CAMTA1: variants seen among roughly 807,000 people sequenced by gnomAD.
The protein encoded by CAMTA1 is calmodulin-binding transcription activator 1.
Under a neutral mutation model 170.9 loss-of-function variants are expected in CAMTA1, and 27 were observed. The observed-to-expected ratio is 0.16, with a 90% CI of 0.12 to 0.22. The LOEUF is 0.22. CAMTA1 is among the 10% of genes least tolerant of loss of function. CAMTA1 has a pLI of 1.00. For synonymous variants in CAMTA1, 833 were observed against 891.5 expected (o/e 0.93, Z 1.17); for missense variants, 1,619 against 2,217.2 (o/e 0.73, Z 5.42).
chr1:7,087,991 AG>A (rs1281338103), intron 3 of CAMTA1, among the ~76,000 whole-genome samples: 2 of 151,982 alleles, frequency 1.3e-5, no homozygotes, highest in African/African-American at 4.8e-5. Flanking sequence ...CCATCTGGTG[AG>A]GGGGTGGCCT....
Position 7,745,919 on chromosome 1 carries a change from T to G in CAMTA1, c.4445T>G (p.Ile1482Ser), listed in dbSNP as rs1296690897. ...CCTGTTGGCTCTCCCGTCAGTGAAA[T>G]CGCTTTCGAGAAACCTAACCTTCCC... ...LSPVGSPVSEIAFEKPNLPSA... is the reference protein window; with the variant it reads ...LSPVGSPVSESAFEKPNLPSA... The change falls in exon 18 of 23, where the codon ATC becomes AGC. Residue 1482 changes from isoleucine (I) to serine (S), a missense_variant. This residue lies in a region of CAMTA1 where 370 missense variants were observed against 429.4 expected (regional missense o/e 0.86). Coordinates refer to ENST00000303635, the MANE Select transcript of CAMTA1 (RefSeq NM_015215.4). 1.2e-6 allele frequency: 2 copies of G among 1,614,082 alleles called. No individual in the cohort carries two copies. The highest frequency in any genetic ancestry group is 1.7e-6 in the Non-Finnish European group (2 of 1,180,042).
At chr1:6,938,004 C>T (rs573839962) in intron 3 of CAMTA1, among the ~76,000 whole-genome samples, 1 of 152,214 alleles carries the variant, frequency 6.6e-6, no homozygotes, top group Non-Finnish European at 1.5e-5. Flanking sequence ...TCTCAGGGGG[C>T]AGATATTCTG....
rs572984748 is a variant in CAMTA1 at position 6,812,042 on chromosome 1, G to A, written c.46-8139G>A. ...GTATGTGGTAGCATTCTGTTCCACC[G>A]CTCTCTTCTCCTTCAGGATGTCTCC... On this transcript the variant is annotated intron_variant, in intron 1 of 22. Coordinates refer to ENST00000303635, the MANE Select transcript of CAMTA1 (RefSeq NM_015215.4). Among the ~76,000 whole-genome samples the A allele has an allele frequency of 3.9e-5, 6 of 152,286 alleles. No individual in the cohort carries two copies. In the East Asian group the frequency reaches 7.7e-4, roughly 20 times the overall value.
intron 5 of CAMTA1, among the ~76,000 whole-genome samples, chr1:7,310,704 T>TCTCTCTCTCTC (rs748448606): frequency 2.9e-5 from 1 of 34,760 alleles, no homozygotes; most frequent in East Asian, 5.7e-4. Flanking sequence ...CTCTCTCTCT[T>TCTCTCTCTCTC]TCTTTCTTTC....
intron 6 of CAMTA1, among the ~76,000 whole-genome samples, chr1:7,638,864 ACAG>A (rs1215376804): frequency 6.6e-6 from 1 of 152,200 alleles, no homozygotes; most frequent in Non-Finnish European, 1.5e-5. Flanking sequence ...GCTGCCTTAC[ACAG>A]GCCCCTGGGC....
At position 7,455,209 on chromosome 1, in the gene CAMTA1, G is replaced by A. The variant is rs2092921941; in HGVS notation, c.439-12621G>A. On this transcript the variant is annotated intron_variant, in intron 5 of 22. Coordinates refer to ENST00000303635, the MANE Select transcript of CAMTA1 (RefSeq NM_015215.4). This position sits in a 1 kb window ranked among gnomAD's most constrained non-coding sequence, Gnocchi z 5.0. ...TGCCCATCCCTCCTGCTTCTCTAGT[G>A]CAGGAGCCGCGGCTCGGCATGGTTC... is the stretch of plus-strand genomic sequence containing the variant. Among the ~76,000 whole-genome samples, 1 of 152,184 alleles carries A rather than the reference G, an allele frequency of 6.6e-6. No homozygotes were observed. The highest frequency in any genetic ancestry group is 6.5e-5 in the Admixed American group (1 of 15,286).
intron 3 of CAMTA1, chr1:6,871,739 A>G (rs1350295195): frequency 1.3e-6 from 2 of 1,532,022 alleles, no homozygotes; most frequent in Non-Finnish European, 1.7e-6. Flanking sequence ...TACTTACTGG[A>G]GCTCCTTTGT....
At chr1:7,397,476 T>C (rs919762413) in intron 5 of CAMTA1, among the ~76,000 whole-genome samples, 7 of 152,110 alleles carry the variant, frequency 4.6e-5, no homozygotes, top group Admixed American at 1.3e-4. Context: ...GTTGATATAT[T>C]GTATTGGGTT....
intron 5 of CAMTA1, among the ~76,000 whole-genome samples, chr1:7,309,177 C>T (rs1249580827): frequency 1.3e-5 from 2 of 151,518 alleles, no homozygotes; most frequent in Non-Finnish European, 2.9e-5. Context: ...TTTTAGCCTA[C>T]TCATATCATT....
chr1:7,762,297 G>A (rs2096982314), intron 22 of CAMTA1, among the ~76,000 whole-genome samples: 1 of 152,100 alleles, frequency 6.6e-6, no homozygotes, highest in African/African-American at 2.4e-5. Flanking sequence ...CCTTCTCATT[G>A]GTAAAGATTT....
At chr1:7,349,850 A>C (rs705677) in intron 5 of CAMTA1, among the ~76,000 whole-genome samples, 96,835 of 152,076 alleles carry the variant, frequency 0.64, 31,192 homozygotes, top group East Asian at 0.82. Flanking sequence ...AAGCAAGATG[A>C]ATCTGAACCT....
intron 11 of CAMTA1, among the ~76,000 whole-genome samples, chr1:7,725,870 A>C (rs1205608379): frequency 6.6e-6 from 1 of 152,212 alleles, no homozygotes; most frequent in African/African-American, 2.4e-5. Context: ...GCCGCCATCT[A>C]GGGCAGCACA....
intron 3 of CAMTA1, among the ~76,000 whole-genome samples, chr1:6,967,007 C>T (rs1051085944): frequency 2.0e-5 from 3 of 151,658 alleles, no homozygotes; most frequent in Non-Finnish European, 4.4e-5. Context: ...TTTGGGAGGC[C>T]GAGGTGGGTG....
At position 6,934,628 on chromosome 1, in the gene CAMTA1, G is replaced by C. The variant is rs1684992460; in HGVS notation, c.234+109418G>C. Among the ~76,000 whole-genome samples the C allele has an allele frequency of 1.3e-5, 2 of 152,150 alleles. No individual in the cohort carries two copies. The highest frequency in any genetic ancestry group is 2.9e-5 in the Non-Finnish European group (2 of 68,022). On this transcript the variant is annotated intron_variant, in intron 3 of 22. Transcript: ENST00000303635. This position sits in a 1 kb window ranked among gnomAD's most constrained non-coding sequence, Gnocchi z 4.5. ...TGCCTTCCAGGGGAGACCTGTGGCC[G>C]GCAGGAGCTGCCCGAGATCCCGGGG...
At chr1:6,869,522 C>T (rs568439960) in intron 3 of CAMTA1, among the ~76,000 whole-genome samples, 5 of 152,148 alleles carry the variant, frequency 3.3e-5, no homozygotes, top group Non-Finnish European at 7.4e-5. Context: ...GGTTGCATTG[C>T]CCCTTGGATG....
chr1:7,613,739 C>G (rs1432546437), intron 6 of CAMTA1, among the ~76,000 whole-genome samples: 1 of 126,392 alleles, frequency 7.9e-6, no homozygotes, highest in Non-Finnish European at 1.7e-5. Context: ...CGGGGCAGGC[C>G]GGACCCGGAG....
intron 3 of CAMTA1, among the ~76,000 whole-genome samples, chr1:7,068,034 G>A (rs2101842288): frequency 6.6e-6 from 1 of 152,330 alleles, no homozygotes; most frequent in Non-Finnish European, 1.5e-5. Flanking sequence ...TAGCATGGTT[G>A]AGCCGAGAGA....
chr1:7,125,682 G>A (rs1233548848), intron 4 of CAMTA1, among the ~76,000 whole-genome samples: 4 of 152,194 alleles, frequency 2.6e-5, no homozygotes, highest in African/African-American at 7.2e-5. Context: ...TGGCCCCGGG[G>A]CGACTGGGGG....
chr1:7,026,349 A>G (rs936637056), intron 3 of CAMTA1, among the ~76,000 whole-genome samples: 1 of 151,874 alleles, frequency 6.6e-6, no homozygotes, highest in African/African-American at 2.4e-5. Context: ...CTATATGTCC[A>G]GGGGGGGAGT....
Sources: gnomAD v4.1 joint callset for allele counts (sites outside exome capture counted in the v4.1 genomes callset) on GRCh38, gnomAD v4.1.1 for gene constraint, gnomAD v4.1.1 regional missense constraint, Gnocchi (gnomAD v3.1) non-coding constraint, MANE v1.5 for transcripts, NCBI Gene and HGNC (gene_info 2026-07-23, HGNC 2026-07-21) for gene names.